FAM13A: variants seen among roughly 807,000 people sequenced by gnomAD.
FAM13A encodes the protein protein FAM13A.
In FAM13A, 76 loss-of-function variants were observed where a neutral mutation model predicts 129.6. The observed-to-expected ratio is 0.59, with a 90% CI of 0.49 to 0.71. The LOEUF (loss-of-function observed/expected upper bound fraction) is 0.71, where lower values mean the gene tolerates loss of function less well. FAM13A is among the 30% of genes least tolerant of loss of function. The pLI, the probability that FAM13A is intolerant of heterozygous loss-of-function variation, is 0.00. For missense variants in FAM13A, 1,108 were observed against 1,249.3 expected, an observed-to-expected ratio of 0.89 and a Z score of 1.70; for synonymous variants, 443 against 449.9, an observed-to-expected ratio of 0.98 and a Z score of 0.20.
At chr4:89,051,783 G>A (rs568088029) in intron 1 of FAM13A, among the ~76,000 whole-genome samples, 1 of 152,072 alleles carries the variant, frequency 6.6e-6, no homozygotes, top group Non-Finnish European at 1.5e-5. Flanking sequence ...GAAAGGAATG[G>A]CAGGTCCTGA....
chr4:88,945,531 A>G (rs961221979), intron 4 of FAM13A, among the ~76,000 whole-genome samples: 3 of 151,910 alleles, frequency 2.0e-5, no homozygotes, highest in African/African-American at 7.3e-5. Flanking sequence ...GAATTCCCCA[A>G]TCAGTAGTTT....
intron 4 of FAM13A, among the ~76,000 whole-genome samples, chr4:88,980,172 AT>A (rs1393500028): frequency 6.6e-6 from 1 of 152,222 alleles, no homozygotes; most frequent in East Asian, 1.9e-4. Flanking sequence ...TTATTATCCC[AT>A]CTTTAGTCAT....
At chr4:89,048,556 T>G (rs2149176553) in intron 1 of FAM13A, among the ~76,000 whole-genome samples, 1 of 152,252 alleles carries the variant, frequency 6.6e-6, no homozygotes, top group African/African-American at 2.4e-5. Context: ...TGTACAGTTT[T>G]AATGAGTATA....
chr4:88,898,771 T>C (rs991720413), intron 6 of FAM13A, among the ~76,000 whole-genome samples: 3 of 151,872 alleles, frequency 2.0e-5, no homozygotes, highest in Admixed American at 6.6e-5. Context: ...AATAAAAAAA[T>C]AGATGTTGGC....
intron 6 of FAM13A, among the ~76,000 whole-genome samples, chr4:88,879,789 T>C (rs562995887): frequency 6.6e-6 from 1 of 152,166 alleles, no homozygotes; most frequent in South Asian, 2.1e-4. Flanking sequence ...GCCAGGTGCC[T>C]GAGTGACCAG....
At position 89,029,366 on chromosome 4, in the gene FAM13A, T is replaced by C. The variant is rs534617682; in HGVS notation, c.217+94A>G. On this transcript the variant is annotated intron_variant, in intron 2 of 23. Transcript: ENST00000264344. The stretch of plus-strand genomic sequence containing the variant: ...ATTCTAATGAAGGTGCTTTAGAGGA[T>C]AGCCTAATCATACATTATGAAATAA... 1.2e-5 allele frequency: 12 copies of C among 1,004,848 alleles called. No homozygotes were observed. In the African/African-American group the frequency reaches 1.5e-4, roughly 12 times the overall value. 62.2% of individuals were successfully genotyped at this position (1,004,848 alleles called of 1,614,324 possible).
At chr4:88,871,210 G>A (rs550637822) in intron 6 of FAM13A, among the ~76,000 whole-genome samples, 7 of 152,266 alleles carry the variant, frequency 4.6e-5, no homozygotes, top group Middle Eastern at 6.8e-3. Context: ...CAGAAAAGCT[G>A]GACATTCTAA....
chr4:88,747,130 C>T, intron 18 of FAM13A, 115 bp from the exon 19 acceptor site: 1 of 691,432 alleles, frequency 1.4e-6, no homozygotes, highest in Admixed American at 2.6e-5. Flanking sequence ...TAACAGCTCT[C>T]CCTAGCTCTA....
intron 8 of FAM13A, among the ~76,000 whole-genome samples, chr4:88,792,093 AATAC>A (rs1381501269): frequency 1.3e-5 from 2 of 152,128 alleles, no homozygotes; most frequent in Non-Finnish European, 2.9e-5. Context: ...TAAGTAAATA[AATAC>A]AAACACCCTA....
chr4:88,901,603 A>G (rs886393575), intron 6 of FAM13A, among the ~76,000 whole-genome samples: 1 of 152,186 alleles, frequency 6.6e-6, no homozygotes, highest in Non-Finnish European at 1.5e-5. Flanking sequence ...GAAGAAAGAA[A>G]CAATGTACCA....
intron 4 of FAM13A, among the ~76,000 whole-genome samples, chr4:88,983,204 T>C (rs577000888): frequency 9.2e-5 from 14 of 152,198 alleles, no homozygotes; most frequent in African/African-American, 2.6e-4. Context: ...CTCAGAGTTA[T>C]ACCTTGGATA....
At chr4:89,033,971 A>C (rs182039281) in intron 1 of FAM13A, among the ~76,000 whole-genome samples, 1 of 152,346 alleles carries the variant, frequency 6.6e-6, no homozygotes, top group Admixed American at 6.5e-5. Flanking sequence ...TCAAACTATA[A>C]AAATCCTGTA....
intron 3 of FAM13A, among the ~76,000 whole-genome samples, chr4:89,012,394 G>T (rs1014967901): frequency 6.6e-6 from 1 of 152,278 alleles, no homozygotes; most frequent in East Asian, 1.9e-4. Flanking sequence ...AGGTCCCTTC[G>T]AGTGTGTCTC....
At chr4:88,934,466 A>G (rs1753539500) in intron 5 of FAM13A, among the ~76,000 whole-genome samples, 1 of 152,120 alleles carries the variant, frequency 6.6e-6, no homozygotes, top group Non-Finnish European at 1.5e-5. Context: ...TTTTCTCACT[A>G]AATTTTGTGT....
intron 4 of FAM13A, among the ~76,000 whole-genome samples, chr4:88,980,565 A>G (rs1553913436): frequency 1.5e-5 from 2 of 130,380 alleles, no homozygotes; most frequent in African/African-American, 2.9e-5. Flanking sequence ...CCAAAATCAT[A>G]TTTATAGAGA....
At chr4:88,891,398 T>C (rs1745291940) in intron 6 of FAM13A, among the ~76,000 whole-genome samples, 1 of 152,040 alleles carries the variant, frequency 6.6e-6, no homozygotes, top group Non-Finnish European at 1.5e-5. Flanking sequence ...CCAGCCTGGG[T>C]GAGACAGAGA....
chr4:88,735,067 C>A (rs1266691289), intron 21 of FAM13A, among the ~76,000 whole-genome samples: 2 of 152,120 alleles, frequency 1.3e-5, no homozygotes, highest in Non-Finnish European at 2.9e-5. Context: ...ACCCGTATCA[C>A]ATAAGGAAGA....
intron 5 of FAM13A, among the ~76,000 whole-genome samples, chr4:88,927,793 C>T (rs552005677): frequency 6.6e-6 from 1 of 151,824 alleles, no homozygotes; most frequent in Admixed American, 6.6e-5. Context: ...TCAATTTTGT[C>T]TGTCTTTTTG....
chr4:88,835,202 GC>G (rs1477503267), intron 7 of FAM13A, among the ~76,000 whole-genome samples: 2 of 152,100 alleles, frequency 1.3e-5, no homozygotes, highest in Admixed American at 6.6e-5. Context: ...ATCGTGCCCT[GC>G]TTTCCCATCA....
Sources: gnomAD v4.1 joint callset for allele counts (sites outside exome capture counted in the v4.1 genomes callset) on GRCh38, gnomAD v4.1.1 for gene constraint, MANE v1.5 for transcripts, NCBI Gene and HGNC (gene_info 2026-07-23, HGNC 2026-07-21) for gene names.